The following ANKHD1 variants were observed in gnomAD, a reference collection of about 807,000 sequenced individuals.
ANKHD1 encodes the protein ankyrin repeat and KH domain-containing protein 1.
A neutral mutation model predicts 230.5 loss-of-function variants in ANKHD1; 31 were observed. The observed-to-expected ratio is 0.13, with a 90% CI of 0.10 to 0.18. The LOEUF is 0.18. ANKHD1 is among the 10% of genes least tolerant of loss of function. The pLI is 1.00. For synonymous variants in ANKHD1, 1,074 were observed against 1,117.6 expected (o/e 0.96, Z 0.78); for missense variants, 2,256 against 3,071.3 (o/e 0.73, Z 6.27).
Position 140,448,645 on chromosome 5 carries a change from T to C in ANKHD1, c.1148-566T>C, listed in dbSNP as rs111449652. 1.4e-3 allele frequency among the ~76,000 whole-genome samples: 218 copies of C among 152,354 alleles called. 5 individuals are homozygous for C. Among genetic ancestry groups the C allele is most frequent in the Non-Finnish European group, 1.6e-3 (111 of 68,038 alleles). On this transcript the variant is annotated intron_variant, in intron 6 of 33. Transcript: ENST00000360839. The stretch of plus-strand genomic sequence containing the variant: ...ATTTCTTTAATAGGAAGGTTTAATA[T>C]TGTTTTCATCAGTTTAATATTCACT...
chr5:140,480,119 T>A (rs955635477), intron 10 of ANKHD1, among the ~76,000 whole-genome samples: 11 of 151,940 alleles, frequency 7.2e-5, no homozygotes, highest in African/African-American at 2.7e-4. Flanking sequence ...GGGATATACA[T>A]TATTCATTTT....
At chr5:140,427,275 T>C (rs552929667) in intron 1 of ANKHD1, among the ~76,000 whole-genome samples, 2,416 of 135,710 alleles carry the variant, frequency 0.018, 36 homozygotes, top group Non-Finnish European at 0.029. Context: ...GGCGGGGGGC[T>C]GACCCCCCCA....
intron 15 of ANKHD1, chr5:140,497,919 A>G (rs1561801088): frequency 2.0e-5 from 3 of 149,924 alleles, no homozygotes; most frequent in South Asian, 2.1e-4. Flanking sequence ...ACACACACAC[A>G]CAGAAAAAAA....
chr5:140,524,147 C>A lies in ANKHD1; in HGVS notation c.4399C>A (p.Gln1467Lys). ...KEKRKKKKEE[Q>K]KRKQEEDEEN... ...AAAGAGAAAAAAGAAAAAAGAGGAA[C>A]AGAAAAGGAAACAGGAAGAAGATGA... The change falls in exon 25 of 34, where the codon CAG (glutamine) becomes AAG (lysine). Residue 1467 changes from glutamine to lysine, a missense_variant. By Grantham distance (53) the Gln-to-Lys change is moderately conservative. Coordinates refer to ENST00000360839, the MANE Select transcript of ANKHD1 (RefSeq NM_017747.3). The A allele has an allele frequency of 1.3e-6, 2 of 1,595,484 alleles. No homozygotes were observed. Among genetic ancestry groups the A allele is most frequent in the Admixed American group, 1.8e-5 (1 of 55,722 alleles).
In ANKHD1 at chr5:140,533,556, G is replaced by A. The variant is rs188497012; in HGVS notation, c.6851-1806G>A. Among the ~76,000 whole-genome samples, 47 of 152,082 alleles carry A rather than the reference G, an allele frequency of 3.1e-4. No individual in the cohort carries two copies. In the East Asian group the frequency reaches 8.3e-3, roughly 27 times the overall value. The stretch of plus-strand genomic sequence containing the variant: ...GGAGCTTGCAGTGAGCCGAGATCGC[G>A]CCACTGGACTCCAGCCTCGGCAACA... On this transcript the variant is annotated intron_variant, in intron 29 of 33. Transcript: ENST00000360839.
chr5:140,526,920 C>T lies in ANKHD1; in HGVS notation c.4941-8C>T. 1 of 1,605,430 alleles carries T rather than the reference C, an allele frequency of 6.2e-7. No individual in the cohort carries two copies. Among genetic ancestry groups the T allele is most frequent in the Non-Finnish European group, 8.5e-7 (1 of 1,177,254 alleles). ...CTTTTATTGTACTTGCTATTTGTCTCTTCTTAGACTTGAAGGTGAAGTGAC... is the reference window on the plus strand; with the variant it reads ...CTTTTATTGTACTTGCTATTTGTCTTTTCTTAGACTTGAAGGTGAAGTGAC... On this transcript the variant is annotated splice_region_variant and splice_polypyrimidine_tract_variant and intron_variant, in intron 26 of 33. Coordinates refer to ENST00000360839, the MANE Select transcript of ANKHD1 (RefSeq NM_017747.3).
At position 140,529,490 on chromosome 5, in the gene ANKHD1, G is replaced by T. The variant is rs1485101591; in HGVS notation, c.6544G>T (p.Ala2182Ser). 1.2e-6 allele frequency: 2 copies of T among 1,614,066 alleles called. No individual in the cohort carries two copies. Among genetic ancestry groups the T allele is most frequent in the Non-Finnish European group, 8.5e-7 (1 of 1,180,034 alleles). ...ACCAGCTGCAGTGCAGCTTTCTTCA[G>T]CTGTGAACATTATGAATGGTTCTCA... Reference protein sequence around the residue: ...GPPAAVQLSSAVNIMNGSQMH... With the variant: ...GPPAAVQLSSSVNIMNGSQMH... Residue 2182 changes from alanine (A) to serine (S), a missense_variant, in exon 29 of 34, where the codon GCT becomes TCT. By Grantham distance (99) the Ala-to-Ser change is moderately conservative. This residue lies in a region of ANKHD1 where 778 missense variants were observed against 966.5 expected (regional missense o/e 0.80). Transcript: ENST00000360839.
chr5:140,523,677 C>T (rs1015008667), intron 24 of ANKHD1, among the ~76,000 whole-genome samples: 2 of 151,780 alleles, frequency 1.3e-5, no homozygotes, highest in African/African-American at 4.8e-5. Flanking sequence ...TGTCCTGCCT[C>T]AGCCTCTCGA....
intron 28 of ANKHD1, 36 bp from the exon 29 acceptor site, chr5:140,528,148 T>G (rs1159138944): frequency 1.3e-6 from 2 of 1,548,874 alleles, no homozygotes; most frequent in East Asian, 2.3e-5. Flanking sequence ...TTTTTTAATG[T>G]TTTTGGTCTT....
intron 10 of ANKHD1, among the ~76,000 whole-genome samples, chr5:140,476,176 A>G (rs1401043242): frequency 6.6e-6 from 1 of 152,112 alleles, no homozygotes; most frequent in Non-Finnish European, 1.5e-5. Context: ...AAATAATACA[A>G]TAAAATATAT....
intron 6 of ANKHD1, among the ~76,000 whole-genome samples, chr5:140,448,534 A>G (rs1055887878): frequency 6.6e-6 from 1 of 152,164 alleles, no homozygotes; most frequent in Non-Finnish European, 1.5e-5. Context: ...GCCCCACCCT[A>G]CACCCTCACC....
chr5:140,535,684 G>T, intron 30 of ANKHD1, 146 bp downstream of exon 30: 1 of 1,168,474 alleles, frequency 8.6e-7, no homozygotes, highest in Non-Finnish European at 1.1e-6. Context: ...TGAAAAAATT[G>T]TCAGTCATTT....
chr5:140,424,219 T>TATAGAG (rs1054255388), intron 1 of ANKHD1, among the ~76,000 whole-genome samples: 4 of 149,550 alleles, frequency 2.7e-5, no homozygotes, highest in African/African-American at 7.4e-5. Flanking sequence ...TATATATATA[T>TATAGAG]AGAGAGAGAG....
chr5:140,413,134 T>C (rs947481108), intron 1 of ANKHD1, among the ~76,000 whole-genome samples: 1 of 152,080 alleles, frequency 6.6e-6, no homozygotes, highest in Non-Finnish European at 1.5e-5. Context: ...AACCAAAGAG[T>C]TAAACAAGAA....
intron 7 of ANKHD1, 112 bp downstream of exon 7, chr5:140,449,417 C>A: frequency 7.9e-7 from 1 of 1,258,638 alleles, no homozygotes; most frequent in Non-Finnish European, 1.1e-6. Context: ...GTAATCCCAG[C>A]ACTTTGAGAG....
At chr5:140,505,269 T>C (rs1284919712) in intron 17 of ANKHD1, 36 bp downstream of exon 17, 1 of 1,607,740 alleles carries the variant, frequency 6.2e-7, no homozygotes, top group Admixed American at 1.7e-5. Flanking sequence ...CAAGTGTAGT[T>C]ACATCAGAAA....
rs898236800 is a variant in ANKHD1, at chr5:140,533,789, A to C, written c.6851-1573A>C. 4.0e-5 allele frequency among the ~76,000 whole-genome samples: 6 copies of C among 151,266 alleles called. No individual in the cohort carries two copies. The South Asian group carries it at 8.3e-4, about 21-fold the overall frequency. ...AGACCCTGTCTCAAAAAAAAAAAAA[A>C]AAAAAAAAAACAAGAAGTTATTATA... On this transcript the variant is annotated intron_variant, in intron 29 of 33. Coordinates refer to ENST00000360839, the MANE Select transcript of ANKHD1 (RefSeq NM_017747.3).
In ANKHD1 at chr5:140,482,502, CA is replaced by C. The variant is rs1295624711; in HGVS notation, c.1783-77del. On this transcript the variant is annotated intron_variant, in intron 10 of 33. Coordinates refer to ENST00000360839, the MANE Select transcript of ANKHD1 (RefSeq NM_017747.3). ...AGTATATTAAATCCTCGTTATTTCT[CA>C]TTTCATCAGTACTGTTTTTAAAATA... The C allele has an allele frequency of 1.5e-5, 23 of 1,494,856 alleles. No individual in the cohort carries two copies. The African/African-American group carries it at 2.6e-4, about 17-fold the overall frequency. The allele number at this position is 1,494,856 out of a possible 1,614,324, so 92.6% of individuals were successfully genotyped here. A position where few individuals can be genotyped will look rare whatever the true frequency, so the allele number is the denominator to read the frequency against.
chr5:140,441,162 T>C lies in ANKHD1; in HGVS notation c.913+20T>C. ...CAACAGGTATGTAGAAAATGATGTA[T>C]TAATTGGGAGAAAAAATTGACATAA... On this transcript the variant is annotated intron_variant, in intron 5 of 33. Transcript: ENST00000360839. The C allele has an allele frequency of 6.6e-7, 1 of 1,511,222 alleles. No individual in the cohort carries two copies. 93.6% of individuals were successfully genotyped at this position (1,511,222 alleles called of 1,614,324 possible).
Sources: gnomAD v4.1 joint callset for allele counts (sites outside exome capture counted in the v4.1 genomes callset) on GRCh38, gnomAD v4.1.1 for gene constraint, gnomAD v4.1.1 regional missense constraint, MANE v1.5 for transcripts, NCBI Gene and HGNC (gene_info 2026-07-23, HGNC 2026-07-21) for gene names.